FBF1: variants seen among roughly 807,000 people sequenced by gnomAD.
The protein encoded by FBF1 is fas-binding factor 1.
FBF1 carries 119 observed loss-of-function variants against 147.2 expected under a neutral mutation model. The ratio of observed to expected loss-of-function variants is 0.81; its 90% confidence interval spans 0.70 to 0.94. The LOEUF (loss-of-function observed/expected upper bound fraction) is 0.94. FBF1 is among the 40% of genes least tolerant of loss of function. The pLI is 0.00. For missense variants in FBF1, 1,449 were observed against 1,500.8 expected, an observed-to-expected ratio of 0.97 and a Z score of 0.57; for synonymous variants, 601 against 609.0, an observed-to-expected ratio of 0.99 and a Z score of 0.19.
Position 75,918,192 on chromosome 17 carries a change from T to G in FBF1, c.2216A>C (p.Asp739Ala), listed in dbSNP as rs2065501329. The G allele has an allele frequency of 1.9e-6, 3 of 1,613,166 alleles. No homozygotes were observed. The highest frequency in any genetic ancestry group is 1.7e-6 in the Non-Finnish European group (2 of 1,179,848). Residue 739 changes from aspartate (D) to alanine (A), a missense_variant, in exon 21 of 30, where the codon GAT becomes GCT. Asp to Ala is a moderately radical substitution (Grantham distance 126, BLOSUM62 -2). Transcript: ENST00000636174. This position sits in a 1 kb window ranked among gnomAD's most constrained non-coding sequence, Gnocchi z 5.8. The stretch of plus-strand genomic sequence containing the variant: ...GTGGGAGGTGGCACTGGTGGCCGCA[T>G]CGACCTCTCGGTCCTTCAGCAGCTT... Reference protein sequence around the residue: ...RLKLLKDREVDAATSATSHTR... With the variant: ...RLKLLKDREVAAATSATSHTR...
At chr17:75,914,543 A>G in intron 25 of FBF1, 1 of 820,800 alleles carries the variant, frequency 1.2e-6, no homozygotes, top group South Asian at 1.9e-5. Context: ...TCATGGGAAC[A>G]TGAGGATCAA....
rs1480013224 is a variant in FBF1 at position 75,927,528 on chromosome 17, A to T, written c.402T>A (p.Gly134=). The T allele has an allele frequency of 1.3e-6, 2 of 1,599,742 alleles. No homozygotes were observed. The highest frequency in any genetic ancestry group is 3.5e-5 in the Admixed American group (2 of 57,854). ...ELPNHPKPAG[G]AIPTKKSLPS... is the part of the protein sequence containing the mutation. ...GAAGTGACTTCTTGGTGGGAATGGC[A>T]CCCCCTGCAGGAAGCAGAAGACAAG... The change falls in exon 9 of 30, where the codon GGT becomes GGA. Residue 134 remains glycine, a synonymous_variant. Coordinates refer to ENST00000636174, the MANE Select transcript of FBF1 (RefSeq NM_001319193.2).
intron 6 of FBF1, 100 bp from the exon 7 acceptor site, chr17:75,930,147 G>A (rs865925268): frequency 2.2e-5 from 20 of 892,594 alleles, no homozygotes; most frequent in Non-Finnish European, 3.1e-5. Context: ...TAGGGCAGAC[G>A]GCGCGGCAGG....
rs77356106 is a variant in FBF1 at position 75,937,843 on chromosome 17, G to A, written c.4-250C>T. On this transcript the variant is annotated intron_variant, in intron 2 of 29. Transcript: ENST00000636174. ...GGCAGGTCACTCCTTTCCCAGACACGACATGCAAACCCTCCCAGCCGAGAT... is the reference window on the plus strand; with the variant it reads ...GGCAGGTCACTCCTTTCCCAGACACAACATGCAAACCCTCCCAGCCGAGAT... 6.6e-3 allele frequency: 4,153 copies of A among 629,668 alleles called. 103 individuals carry two copies. Among genetic ancestry groups the A allele is most frequent in the African/African-American group, 0.054 (2,970 of 54,718 alleles). 39.0% of individuals were successfully genotyped at this position (629,668 alleles called of 1,614,324 possible). A position where few individuals can be genotyped will look rare whatever the true frequency, so the allele number is the denominator to read the frequency against.
At chr17:75,936,679 A>G (rs1225538821) in intron 3 of FBF1, among the ~76,000 whole-genome samples, 1 of 151,966 alleles carries the variant, frequency 6.6e-6, no homozygotes, top group Non-Finnish European at 1.5e-5. Context: ...CGTCTTAAAA[A>G]AAAAAACAAA....
At chr17:75,929,684 AAAGAGTC>A in intron 7 of FBF1, among the ~76,000 whole-genome samples, 1 of 152,236 alleles carries the variant, frequency 6.6e-6, no homozygotes, top group Middle Eastern at 3.4e-3. Context: ...GCATTAGAGG[AAAGAGTC>A]TCCCCCTCTG....
intron 22 of FBF1, 38 bp from the exon 23 acceptor site, chr17:75,917,888 C>T: frequency 1.3e-6 from 2 of 1,587,586 alleles, no homozygotes; most frequent in Non-Finnish European, 1.7e-6. Context: ...AGCTGCTCCC[C>T]CTTCCCACCA....
In FBF1 at chr17:75,935,166, A is replaced by T. The variant is rs75863383; in HGVS notation, c.73+466T>A. On this transcript the variant is annotated intron_variant, in intron 4 of 29. Transcript: ENST00000636174. ...CTTTATGCTATATAAATTACATCTCATTTTTTTTTTTTTTTTGAGACGGAG... is the reference window on the plus strand; with the variant it reads ...CTTTATGCTATATAAATTACATCTCTTTTTTTTTTTTTTTTTGAGACGGAG... Among the ~76,000 whole-genome samples, 572 of 142,456 alleles carry T rather than the reference A, an allele frequency of 4.0e-3. 2 individuals carry two copies. Among genetic ancestry groups the T allele is most frequent in the African/African-American group, 0.014 (528 of 38,904 alleles). 93.5% of individuals were successfully genotyped at this position (142,456 alleles called of 152,430 possible).
At chr17:75,929,944 GACCCCACCCCACCCACCCCC>G in intron 7 of FBF1, 33 bp downstream of exon 7, 1 of 685,844 alleles carries the variant, frequency 1.5e-6, no homozygotes, top group Non-Finnish European at 2.7e-6. Context: ...AAAATATCAT[GACCCCACCCCACCCACCCCC>G]AGTTCTAAGA....
chr17:75,923,224 C>T lies in FBF1; in HGVS notation c.1386G>A (p.Leu462=). ...GATGGCCCGCTGTCCCCGCCAAATG[C>T]AGGCCCTCAGAGGTCCCAGCATGCT... The part of the protein sequence containing the change: ...REQHAGTSEG[L]HLAGTAGHPP... The change falls in exon 14 of 30, where the codon CTG becomes CTA. Residue 462 remains leucine (L), a synonymous_variant. Coordinates refer to ENST00000636174, the MANE Select transcript of FBF1 (RefSeq NM_001319193.2). The surrounding 1 kb of genome is among the most constrained non-coding windows in gnomAD (Gnocchi z 4.1). 1 of 1,592,542 alleles carries T rather than the reference C, an allele frequency of 6.3e-7. No individual in the cohort carries two copies. Among genetic ancestry groups the T allele is most frequent in the Non-Finnish European group, 8.5e-7 (1 of 1,170,180 alleles).
At chr17:75,921,416 A>T in intron 16 of FBF1, 56 bp downstream of exon 16, 1 of 1,567,018 alleles carries the variant, frequency 6.4e-7, no homozygotes, top group Non-Finnish European at 8.7e-7. Context: ...AGCTCAAAGC[A>T]CCTCTTCCTC....
At chr17:75,933,728 G>T (rs1457592781) in intron 4 of FBF1, among the ~76,000 whole-genome samples, 1 of 152,150 alleles carries the variant, frequency 6.6e-6, no homozygotes, top group Non-Finnish European at 1.5e-5. Context: ...AAAAAGACAA[G>T]TAACCCAATT....
intron 29 of FBF1, among the ~76,000 whole-genome samples, chr17:75,911,231 G>A (rs2065455018): frequency 6.6e-6 from 1 of 152,094 alleles, no homozygotes; most frequent in Admixed American, 6.6e-5. Flanking sequence ...GACCAGCCGA[G>A]GCAACATCGT....
chr17:75,933,052 T>C lies in FBF1; in HGVS notation c.110A>G (p.His37Arg). ...LPEKPVKLAS[H>R]TRDTTGVSQM... ...AGATACACCTGTGGTGTCTCTGGTA[T>C]GTGAAGCTAGTTTAACAGGCTTCTC... Residue 37 changes from histidine to arginine, a missense_variant, in exon 5 of 30, where the codon CAT (histidine) becomes CGT (arginine). Transcript: ENST00000636174. 1.2e-6 allele frequency: 2 copies of C among 1,608,272 alleles called. No individual in the cohort carries two copies. The highest frequency in any genetic ancestry group is 1.7e-6 in the Non-Finnish European group (2 of 1,175,190).
At position 75,928,270 on chromosome 17, in the gene FBF1, G is replaced by A. The variant is rs904407941; in HGVS notation, c.280-77C>T. 74 of 1,110,676 alleles carry A rather than the reference G, an allele frequency of 6.7e-5. No individual in the cohort carries two copies. Among genetic ancestry groups the A allele is most frequent in the Non-Finnish European group, 8.3e-5 (61 of 735,976 alleles). The allele number at this position is 1,110,676 out of a possible 1,614,324, so 68.8% of individuals were successfully genotyped here. A position where few individuals can be genotyped will look rare whatever the true frequency, so the allele number is the denominator to read the frequency against. ...GACTTCCACCTGAGAGAGATGGGCT[G>A]TTGGCACCCCAGGTGTAGAATTGTG... is the stretch of plus-strand genomic sequence containing the variant. On this transcript the variant is annotated intron_variant, in intron 7 of 29. Transcript: ENST00000636174. This position sits in a 1 kb window ranked among gnomAD's most constrained non-coding sequence, Gnocchi z 4.2.
chr17:75,911,337 G>A (rs1249065833), intron 29 of FBF1, among the ~76,000 whole-genome samples: 1 of 152,148 alleles, frequency 6.6e-6, no homozygotes, highest in Non-Finnish European at 1.5e-5. Context: ...AATGACAACT[G>A]TTATCATTAT....
chr17:75,910,699 T>A lies in FBF1; in HGVS notation c.*24A>T. ...ACAGTTCTGGGGTCCGAACCCTCTGTTGGGGAATCGGCTGGGGTCCCACTC... is the reference window on the plus strand; with the variant it reads ...ACAGTTCTGGGGTCCGAACCCTCTGATGGGGAATCGGCTGGGGTCCCACTC... On this transcript the variant is annotated 3_prime_UTR_variant, in exon 30 of 30. Coordinates refer to ENST00000636174, the MANE Select transcript of FBF1 (RefSeq NM_001319193.2). The surrounding 1 kb of genome is among the most constrained non-coding windows in gnomAD (Gnocchi z 4.1). 6.3e-7 allele frequency: 1 copy of A among 1,594,712 alleles called. No individual in the cohort carries two copies. The highest frequency in any genetic ancestry group is 8.5e-7 in the Non-Finnish European group (1 of 1,170,134).
At chr17:75,930,200 G>A in intron 6 of FBF1, 153 bp from the exon 7 acceptor site, 3 of 619,638 alleles carry the variant, frequency 4.8e-6, no homozygotes, top group Non-Finnish European at 8.6e-6. Context: ...GGGTGGCTTT[G>A]TTCCCCTTGC....
At position 75,915,105 on chromosome 17, in the gene FBF1, G is replaced by A. The variant is rs1186406097; in HGVS notation, c.2540C>T (p.Ala847Val). The A allele has an allele frequency of 8.1e-6, 13 of 1,611,312 alleles. No individual in the cohort carries two copies. Among genetic ancestry groups the A allele is most frequent in the East Asian group, 6.7e-5 (3 of 44,848 alleles). The stretch of plus-strand genomic sequence containing the variant: ...CTCTAGGGCGCGCTGCATGGACTCC[G>A]CCTTGGACTGCTCGGCAGTCACCCG... ...RWRVTAEQSKAESMQRALEEQ... is the reference protein window; with the variant it reads ...RWRVTAEQSKVESMQRALEEQ... The change falls in exon 24 of 30, where the codon GCG becomes GTG. Residue 847 changes from alanine to valine, a missense_variant. Transcript: ENST00000636174.
Sources: allele counts gnomAD v4.1 joint callset (sites outside exome capture counted in the v4.1 genomes callset), GRCh38; gene constraint gnomAD v4.1.1; non-coding constraint Gnocchi (gnomAD v3.1); transcripts MANE v1.5; gene names NCBI Gene and HGNC (gene_info 2026-07-23, HGNC 2026-07-21).